HDGFL3: variants seen among roughly 807,000 people sequenced by gnomAD.
HDGFL3 encodes hepatoma-derived growth factor-related protein 3.
Under a neutral mutation model 27.6 loss-of-function variants are expected in HDGFL3, and 6 were observed. That is an observed-to-expected ratio of 0.22 (90% confidence interval 0.12 to 0.43). HDGFL3 has a LOEUF of 0.43. HDGFL3 is among the 20% of genes least tolerant of loss of function. HDGFL3 has a pLI of 1.00. For missense variants in HDGFL3, 207 were observed against 250.1 expected, an observed-to-expected ratio of 0.83 and a Z score of 1.16; for synonymous variants, 88 against 88.9, an observed-to-expected ratio of 0.99 and a Z score of 0.05.
intron 4 of HDGFL3, among the ~76,000 whole-genome samples, chr15:83,152,126 T>C (rs2036971767): frequency 6.6e-6 from 1 of 152,224 alleles, no homozygotes; most frequent in Non-Finnish European, 1.5e-5. Flanking sequence ...TTTGAGACAT[T>C]TTAAGAGTCT....
At chr15:83,114,709 A>C (rs2034499605) in exon 4 of HDGFL3, 1 of 152,134 alleles carries the variant, frequency 6.6e-6, no homozygotes, top group Non-Finnish European at 1.5e-5. Flanking sequence ...TCTTATATTC[A>C]CCATCAGATT....
chr15:83,150,317 T>C (rs2036948346), intron 5 of HDGFL3, among the ~76,000 whole-genome samples: 1 of 152,278 alleles, frequency 6.6e-6, no homozygotes, highest in South Asian at 2.1e-4. Flanking sequence ...AGCAGGTATA[T>C]GTCCCTGGGA....
chr15:83,115,668 A>G (rs762039110), exon 4 of HDGFL3: 3 of 696,912 alleles, frequency 4.3e-6, no homozygotes, highest in Non-Finnish European at 7.9e-6. Flanking sequence ...AGCTGCGAAC[A>G]CAGGTGGAGG....
intron 4 of HDGFL3, among the ~76,000 whole-genome samples, chr15:83,156,314 TC>T (rs1309471334): frequency 6.6e-6 from 1 of 152,198 alleles, no homozygotes; most frequent in East Asian, 1.9e-4. Context: ...CTATTTTAGG[TC>T]CCCCTGCTCC....
chr15:83,197,331 G>C (rs940628879), intron 1 of HDGFL3, among the ~76,000 whole-genome samples: 1 of 152,234 alleles, frequency 6.6e-6, no homozygotes, highest in African/African-American at 2.4e-5. Context: ...CATATTTTAT[G>C]TGAGTCAGTG....
At chr15:83,139,709 T>C (rs2036729614) in intron 5 of HDGFL3, among the ~76,000 whole-genome samples, 1 of 152,212 alleles carries the variant, frequency 6.6e-6, no homozygotes, top group Non-Finnish European at 1.5e-5. Context: ...ATCTTCAGAA[T>C]ATTTATAACT....
At chr15:83,164,577 C>A (rs1408232519) in intron 1 of HDGFL3, among the ~76,000 whole-genome samples, 1 of 152,134 alleles carries the variant, frequency 6.6e-6, no homozygotes, top group Non-Finnish European at 1.5e-5. Flanking sequence ...AAGTAGAATT[C>A]CCTTTGAAAA....
intron 1 of HDGFL3, among the ~76,000 whole-genome samples, chr15:83,175,984 G>T (rs2037305362): frequency 1.3e-5 from 2 of 152,242 alleles, no homozygotes; most frequent in Admixed American, 6.5e-5. Context: ...TGCACAGACA[G>T]TAAGTTTATT....
At chr15:83,182,435 A>G (rs2037392701) in intron 1 of HDGFL3, among the ~76,000 whole-genome samples, 1 of 152,224 alleles carries the variant, frequency 6.6e-6, no homozygotes, top group African/African-American at 2.4e-5. Flanking sequence ...CAGGTGTCCT[A>G]ATGAAAGTGG....
chr15:83,116,598 G>C (rs1450705517), intron 3 of HDGFL3, among the ~76,000 whole-genome samples: 1 of 152,186 alleles, frequency 6.6e-6, no homozygotes, highest in Admixed American at 6.5e-5. Context: ...TGTGAGGGAA[G>C]ATTTTAAGTC....
downstream of HDGFL3, among the ~76,000 whole-genome samples, chr15:83,125,230 T>C (rs1338564994): frequency 2.6e-5 from 4 of 152,208 alleles, no homozygotes; most frequent in Admixed American, 2.0e-4. Flanking sequence ...CATGGGAATG[T>C]CTCACTGGTA....
intron 1 of HDGFL3, among the ~76,000 whole-genome samples, chr15:83,175,114 CA>C (rs1020724176): frequency 4.6e-5 from 7 of 152,204 alleles, no homozygotes; most frequent in Non-Finnish European, 1.0e-4. Flanking sequence ...CCACTTTAGA[CA>C]AAGAATGTGC....
chr15:83,161,528 AATTTTTGCCC>A (rs2037101281), intron 2 of HDGFL3, among the ~76,000 whole-genome samples: 1 of 152,078 alleles, frequency 6.6e-6, no homozygotes, highest in African/African-American at 2.4e-5. Flanking sequence ...AAGAGTTAAC[AATTTTTGCCC>A]TCTTTATTTT....
chr15:83,180,199 A>G (rs2037363382), intron 1 of HDGFL3, among the ~76,000 whole-genome samples: 1 of 152,184 alleles, frequency 6.6e-6, no homozygotes, highest in Non-Finnish European at 1.5e-5. Context: ...GGGAATCCAT[A>G]ATCCCTGCTG....
Position 83,139,100 on chromosome 15 carries a change from TTCCCCCCGAAACAC to T in HDGFL3, c.*156_*169del. The T allele has an allele frequency of 2.4e-6, 1 of 409,146 alleles. No homozygotes were observed. Among genetic ancestry groups the T allele is most frequent in the Non-Finnish European group, 4.4e-6 (1 of 226,416 alleles). 25.3% of individuals were successfully genotyped at this position (409,146 alleles called of 1,614,324 possible). On this transcript the variant is annotated 3_prime_UTR_variant, in exon 6 of 6. Transcript: ENST00000299633. ...CTTTTAAAAAAGGCTAAAATGTCTT[TTCCCCCCGAAACAC>T]AACAGAGAGGAATATGAATAATGTA...
At chr15:83,175,601 T>C (rs904502635) in intron 1 of HDGFL3, among the ~76,000 whole-genome samples, 2 of 152,228 alleles carry the variant, frequency 1.3e-5, no homozygotes, top group African/African-American at 4.8e-5. Flanking sequence ...GGCTCATGCC[T>C]GTAATCCCAG....
At chr15:83,124,003 A>G (rs189597260), downstream of HDGFL3, among the ~76,000 whole-genome samples, 1 of 152,320 alleles carries the variant, frequency 6.6e-6, no homozygotes, top group East Asian at 1.9e-4. Flanking sequence ...ATCTTCAGGA[A>G]ATCATCACAC....
At chr15:83,123,019 C>A, downstream of HDGFL3, 1 of 901,814 alleles carries the variant, frequency 1.1e-6, no homozygotes, top group East Asian at 2.6e-5. Context: ...GATTATGTAG[C>A]ATTAGCTTAC....
rs1344198816 is a variant in HDGFL3 at position 83,139,136 on chromosome 15, T to C, written c.*134A>G. The C allele has an allele frequency of 4.1e-6, 2 of 489,040 alleles. No homozygotes were observed. The highest frequency in any genetic ancestry group is 2.0e-5 in the African/African-American group (1 of 50,892). The allele number at this position is 489,040 out of a possible 1,614,324, so 30.3% of individuals were successfully genotyped here. A position where few individuals can be genotyped will look rare whatever the true frequency, so the allele number is the denominator to read the frequency against. ...ACACAACAGAGAGGAATATGAATAA[T>C]GTACATACAAACTGGGGTTCTGTCA... On this transcript the variant is annotated 3_prime_UTR_variant, in exon 6 of 6. Transcript: ENST00000299633.
Sources: gnomAD v4.1 joint callset for allele counts (sites outside exome capture counted in the v4.1 genomes callset) on GRCh38, gnomAD v4.1.1 for gene constraint, MANE v1.5 for transcripts, NCBI Gene and HGNC (gene_info 2026-07-23, HGNC 2026-07-21) for gene names.